PHLPP1: variants seen among roughly 807,000 people sequenced by gnomAD.
PHLPP1 encodes the protein PH domain and leucine rich repeat protein phosphatase 1, also known as PH domain leucine-rich repeat-containing protein phosphatase 1.
In PHLPP1, 42 loss-of-function variants were observed where a neutral mutation model predicts 117.2. The ratio of observed to expected loss-of-function variants is 0.36; its 90% CI spans 0.28 to 0.46. The LOEUF (loss-of-function observed/expected upper bound fraction) is 0.46. Ranked by LOEUF, PHLPP1 falls within the 20% of genes least tolerant of loss-of-function variation. The probability of loss-of-function intolerance (pLI) is 1.00; values close to 1 mark genes in which losing one functional copy is unlikely to be tolerated. For missense variants in PHLPP1, 2,084 were observed against 2,241.9 expected (o/e 0.93, Z 1.42); for synonymous variants, 1,042 against 970.7 (o/e 1.07, Z -1.37).
chr18:62,862,691 T>C (rs1326739022), intron 4 of PHLPP1, among the ~76,000 whole-genome samples: 1 of 152,234 alleles, frequency 6.6e-6, no homozygotes, highest in Non-Finnish European at 1.5e-5. Context: ...TTCCTTGAGA[T>C]GACTATCATA....
chr18:62,978,209 T>C lies in PHLPP1; in HGVS notation c.3985-53T>C. ...AGGGACCCGCAGGGAACCTGCACAG[T>C]TGCCGCAGGTGCTCTGTATTAACTG... is the stretch of plus-strand genomic sequence containing the variant. On this transcript the variant is annotated intron_variant, in intron 16 of 16. Coordinates refer to ENST00000262719, the MANE Select transcript of PHLPP1 (RefSeq NM_194449.4). This position sits in a 1 kb window ranked among gnomAD's most constrained non-coding sequence, Gnocchi z 7.0. 1 of 1,080,002 alleles carries C rather than the reference T, an allele frequency of 9.3e-7. No homozygotes were observed. Among genetic ancestry groups the C allele is most frequent in the Non-Finnish European group, 1.4e-6 (1 of 733,022 alleles). 66.9% of individuals were successfully genotyped at this position (1,080,002 alleles called of 1,614,324 possible).
At chr18:62,804,110 C>T (rs767794869) in intron 1 of PHLPP1, among the ~76,000 whole-genome samples, 1 of 151,954 alleles carries the variant, frequency 6.6e-6, no homozygotes, top group African/African-American at 2.4e-5. Flanking sequence ...CAGTTAATGG[C>T]GGAAGTTGAA....
At chr18:62,849,832 A>AAAATATATATATATATAT (rs1555677083) in intron 3 of PHLPP1, among the ~76,000 whole-genome samples, 1 of 33,082 alleles carries the variant, frequency 3.0e-5, no homozygotes, top group African/African-American at 1.2e-4. Flanking sequence ...AAAAAAAAAA[A>AAAATATATATATATATAT]ATATATATAT....
chr18:62,901,540 T>A (rs1916724734), intron 6 of PHLPP1, among the ~76,000 whole-genome samples: 2 of 152,190 alleles, frequency 1.3e-5, no homozygotes, highest in Admixed American at 1.3e-4. Context: ...TCCATAGGTT[T>A]ATTTTATTTT....
intron 4 of PHLPP1, among the ~76,000 whole-genome samples, chr18:62,866,678 C>CCA (rs1173453767): frequency 1.3e-5 from 2 of 152,136 alleles, no homozygotes; most frequent in African/African-American, 4.8e-5. Context: ...TAAAATGCTC[C>CCA]CAAAGAGCCA....
intron 1 of PHLPP1, among the ~76,000 whole-genome samples, chr18:62,812,052 C>A (rs1269309962): frequency 6.6e-6 from 1 of 152,152 alleles, no homozygotes; most frequent in Non-Finnish European, 1.5e-5. Context: ...AACCCAACCT[C>A]CTAGTTAGAA....
At chr18:62,725,818 G>C (rs1911051633) in intron 1 of PHLPP1, among the ~76,000 whole-genome samples, 1 of 152,090 alleles carries the variant, frequency 6.6e-6, no homozygotes, top group Non-Finnish European at 1.5e-5. Flanking sequence ...ATGAGAGTTA[G>C]CCTACTAAGT....
Position 62,957,261 on chromosome 18 carries a change from C to T in PHLPP1, c.3325-1368C>T, listed in dbSNP as rs117599176. Among the ~76,000 whole-genome samples the T allele has an allele frequency of 9.8e-5, 15 of 152,320 alleles. No homozygotes were observed. The East Asian group carries it at 2.9e-3, about 29-fold the overall frequency. On this transcript the variant is annotated intron_variant, in intron 12 of 16. Transcript: ENST00000262719. ...AACACAAGGGCAGCCCCTCTTTTTA[C>T]AGTACACCTTATTTAAGCTTTACAT...
At chr18:62,766,089 A>ATATATATATAATATATATATATAT (rs1912504646) in intron 1 of PHLPP1, among the ~76,000 whole-genome samples, 2 of 75,310 alleles carry the variant, frequency 2.7e-5, no homozygotes, top group Non-Finnish European at 5.9e-5. Context: ...ATATATATAT[A>ATATATATATAATATATATATATAT]TATATATATA....
chr18:62,727,533 T>C (rs1911111128), intron 1 of PHLPP1, among the ~76,000 whole-genome samples: 1 of 151,662 alleles, frequency 6.6e-6, no homozygotes, highest in Admixed American at 6.6e-5. Context: ...GAAGATATTC[T>C]TGAGTCCAGG....
intron 1 of PHLPP1, among the ~76,000 whole-genome samples, chr18:62,810,625 TTC>T (rs1457975284): frequency 1.8e-4 from 27 of 152,308 alleles, no homozygotes; most frequent in African/African-American, 6.3e-4. Context: ...CGTGGTTTCT[TTC>T]TCTCTGAAAA....
At position 62,920,097 on chromosome 18, in the gene PHLPP1, T is replaced by G. The variant is rs758766101; in HGVS notation, c.2943T>G (p.Leu981=). The part of the protein sequence containing the change: ...HNQLLELPPN[L]LMKADSLRFL... ...AGCTCCTTGAGCTCCCACCTAACCTTCTGATGAAGGCTGACAGGTAAAGCC... is the reference window on the plus strand; with the variant it reads ...AGCTCCTTGAGCTCCCACCTAACCTGCTGATGAAGGCTGACAGGTAAAGCC... Residue 981 remains leucine (L), a synonymous_variant, in exon 10 of 17, where the codon CTT becomes CTG. Transcript: ENST00000262719. 2 of 1,613,734 alleles carry G rather than the reference T, an allele frequency of 1.2e-6. No individual in the cohort carries two copies. Among genetic ancestry groups the G allele is most frequent in the African/African-American group, 1.3e-5 (1 of 75,038 alleles).
At chr18:62,859,443 A>C (rs928550145) in intron 3 of PHLPP1, among the ~76,000 whole-genome samples, 2 of 152,252 alleles carry the variant, frequency 1.3e-5, no homozygotes, top group Non-Finnish European at 2.9e-5. Context: ...ATATTTAGAC[A>C]TAAAATAAGT....
intron 1 of PHLPP1, among the ~76,000 whole-genome samples, chr18:62,822,689 A>G (rs1914502888): frequency 6.6e-6 from 1 of 152,220 alleles, no homozygotes; most frequent in African/African-American, 2.4e-5. Flanking sequence ...TGTAGCAGTG[A>G]GATAAGCAAA....
intron 1 of PHLPP1, among the ~76,000 whole-genome samples, chr18:62,811,688 A>G (rs893070500): frequency 1.8e-4 from 27 of 152,210 alleles, no homozygotes; most frequent in African/African-American, 6.0e-4. Context: ...TAAAATTTCC[A>G]AAAGGTAAAT....
At chr18:62,723,974 T>A (rs181896500) in intron 1 of PHLPP1, among the ~76,000 whole-genome samples, 1 of 152,164 alleles carries the variant, frequency 6.6e-6, no homozygotes, top group Non-Finnish European at 1.5e-5. Flanking sequence ...GTTGTAGTTG[T>A]TTTAAGTTCT....
chr18:62,724,035 T>G (rs1006296659), intron 1 of PHLPP1, among the ~76,000 whole-genome samples: 3 of 152,180 alleles, frequency 2.0e-5, no homozygotes, highest in Non-Finnish European at 4.4e-5. Flanking sequence ...CCTTTTCTTA[T>G]GGACTTGGAC....
intron 14 of PHLPP1, among the ~76,000 whole-genome samples, chr18:62,971,972 A>C (rs1309819576): frequency 6.6e-6 from 1 of 151,766 alleles, no homozygotes; most frequent in East Asian, 1.9e-4. Flanking sequence ...AGAAGTGGAG[A>C]CTGCAGTGAG....
chr18:62,750,045 A>G (rs1053303865), intron 1 of PHLPP1, among the ~76,000 whole-genome samples: 4 of 152,024 alleles, frequency 2.6e-5, no homozygotes, highest in Non-Finnish European at 4.4e-5. Flanking sequence ...AAAACAAAAC[A>G]AAACAAAAAA....
Sources: allele counts gnomAD v4.1 joint callset (sites outside exome capture counted in the v4.1 genomes callset), GRCh38; gene constraint gnomAD v4.1.1; non-coding constraint Gnocchi (gnomAD v3.1); transcripts MANE v1.5; gene names NCBI Gene and HGNC (gene_info 2026-07-23, HGNC 2026-07-21).